Variants in MVB12B observed in about 807,000 individuals in gnomAD.
The protein encoded by MVB12B is multivesicular body subunit 12B.
In MVB12B, 16 loss-of-function variants were observed where a neutral mutation model predicts 41.6. The observed-to-expected ratio is 0.38, with a 90% CI of 0.26 to 0.58. MVB12B has a LOEUF of 0.58. Ranked by LOEUF, MVB12B falls within the 20% of genes least tolerant of loss-of-function variation. MVB12B has a pLI of 0.62. For missense variants in MVB12B, 274 were observed against 380.2 expected (o/e 0.72, Z 2.32); for synonymous variants, 133 against 139.7 (o/e 0.95, Z 0.34).
chr9:126,357,239 A>G (rs1353682837), intron 2 of MVB12B, among the ~76,000 whole-genome samples: 1 of 152,182 alleles, frequency 6.6e-6, no homozygotes, highest in East Asian at 1.9e-4. Context: ...GTACACCTGT[A>G]TGACAGTTTA....
At chr9:126,369,114 T>A (rs187348669) in intron 2 of MVB12B, among the ~76,000 whole-genome samples, 1 of 152,340 alleles carries the variant, frequency 6.6e-6, no homozygotes, top group Non-Finnish European at 1.5e-5. Flanking sequence ...AGTGCATGCT[T>A]CCTTGTTAAC....
chr9:126,441,716 CTG>C (rs35411943), intron 7 of MVB12B, among the ~76,000 whole-genome samples: 30,268 of 152,132 alleles, frequency 0.2, 3,877 homozygotes, highest in South Asian at 0.29. Context: ...AGCTACAAAA[CTG>C]TAAGTTTGAT....
chr9:126,500,643 G>A (rs1480513752), intron 9 of MVB12B, among the ~76,000 whole-genome samples: 1 of 152,240 alleles, frequency 6.6e-6, no homozygotes, highest in Non-Finnish European at 1.5e-5. Context: ...TGCGTTCAGA[G>A]TTGAAAAGCC....
chr9:126,352,285 G>C (rs112793266), intron 2 of MVB12B, among the ~76,000 whole-genome samples: 6 of 152,234 alleles, frequency 3.9e-5, no homozygotes, highest in Non-Finnish European at 7.4e-5. Flanking sequence ...TTTTCTGGAA[G>C]AGACAGTGTA....
At position 126,480,490 on chromosome 9, in the gene MVB12B, C is replaced by T. The variant is rs1833504212; in HGVS notation, c.758-879C>T. Among the ~76,000 whole-genome samples the T allele has an allele frequency of 6.6e-6, 1 of 152,170 alleles. No individual in the cohort carries two copies. ...TCACTTACGGAGGCACACCCTGGGTCGTTTCTGTCCGTGTGCTTTTGAAAG... is the reference window on the plus strand; with the variant it reads ...TCACTTACGGAGGCACACCCTGGGTTGTTTCTGTCCGTGTGCTTTTGAAAG... On this transcript the variant is annotated intron_variant, in intron 7 of 9. Coordinates refer to ENST00000361171, the MANE Select transcript of MVB12B (RefSeq NM_033446.3). This position sits in a 1 kb window ranked among gnomAD's most constrained non-coding sequence, Gnocchi z 4.9.
intron 9 of MVB12B, among the ~76,000 whole-genome samples, chr9:126,490,229 G>C (rs544611181): frequency 1.3e-5 from 2 of 152,230 alleles, no homozygotes; most frequent in African/African-American, 4.8e-5. Flanking sequence ...AGTCCAGGCG[G>C]GAGCTTCTAA....
chr9:126,431,294 G>A (rs188345013), intron 7 of MVB12B, among the ~76,000 whole-genome samples: 118 of 152,282 alleles, frequency 7.7e-4, no homozygotes, highest in African/African-American at 2.3e-3. Flanking sequence ...GCTATTTTCC[G>A]TGGCAAGCAG....
intron 2 of MVB12B, among the ~76,000 whole-genome samples, chr9:126,363,924 A>G (rs1307786541): frequency 1.3e-5 from 2 of 152,074 alleles, no homozygotes; most frequent in Non-Finnish European, 2.9e-5. Flanking sequence ...TTACAGTTTA[A>G]TTACAGTTAC....
rs776739728 is a variant in MVB12B at position 126,381,034 on chromosome 9, G to A, written c.205-30G>A. 3 of 1,593,136 alleles carry A rather than the reference G, an allele frequency of 1.9e-6. No individual in the cohort carries two copies. The African/African-American group carries it at 4.0e-5, about 21-fold the overall frequency. ...CCTTCAGTTCCTTCCTGCCTTACCT[G>A]CAATCCTTTTCTCTGTCTCTCCGGT... On this transcript the variant is annotated intron_variant, in intron 2 of 9. Coordinates refer to ENST00000361171, the MANE Select transcript of MVB12B (RefSeq NM_033446.3).
At chr9:126,394,157 T>C (rs956941041) in intron 5 of MVB12B, among the ~76,000 whole-genome samples, 12 of 152,230 alleles carry the variant, frequency 7.9e-5, no homozygotes, top group African/African-American at 2.9e-4. Flanking sequence ...ACACTAATTA[T>C]GTAAACAGGA....
intron 5 of MVB12B, among the ~76,000 whole-genome samples, chr9:126,393,573 C>G (rs1233072521): frequency 1.3e-5 from 2 of 152,238 alleles, no homozygotes; most frequent in African/African-American, 4.8e-5. Flanking sequence ...GTAGGATCAG[C>G]TCCATTGGAA....
Position 126,326,957 on chromosome 9 carries a change from A to G in MVB12B, c.28A>G (p.Ser10Gly), listed in dbSNP as rs1828986029. The G allele has an allele frequency of 7.7e-6, 2 of 259,480 alleles. No homozygotes were observed. The allele number at this position is 259,480 out of a possible 1,614,324, so 16.1% of individuals were successfully genotyped here. A position where few individuals can be genotyped will look rare whatever the true frequency, so the allele number is the denominator to read the frequency against. ...GAGAAGCTGCTTCTGCGTGAGACGG[A>G]GCCGGGACCCGCCGCCGCCGCAGCC... MRSCFCVRR[S>G]RDPPPPQPPP... Residue 10 changes from serine to glycine, a missense_variant, in exon 1 of 10, where the codon AGC becomes GGC. Coordinates refer to ENST00000361171, the MANE Select transcript of MVB12B (RefSeq NM_033446.3).
intron 9 of MVB12B, among the ~76,000 whole-genome samples, chr9:126,497,594 G>A (rs554487272): frequency 1.4e-4 from 21 of 152,272 alleles, no homozygotes; most frequent in Non-Finnish European, 2.6e-4. Flanking sequence ...ACAGGGCCTC[G>A]CTTTCAAAGA....
At chr9:126,411,391 C>T (rs879384210) in intron 6 of MVB12B, among the ~76,000 whole-genome samples, 1 of 152,138 alleles carries the variant, frequency 6.6e-6, no homozygotes, top group Non-Finnish European at 1.5e-5. Context: ...CAGTGCCTAG[C>T]ACACAGTAGG....
rs896229458 is a variant in MVB12B at position 126,422,059 on chromosome 9, C to A, written c.757+111C>A. The A allele has an allele frequency of 5.0e-6, 4 of 793,488 alleles. No homozygotes were observed. The African/African-American group carries it at 5.1e-5, about 10-fold the overall frequency. 49.2% of individuals were successfully genotyped at this position (793,488 alleles called of 1,614,324 possible). ...GATCTGTCTGCCTTACCTCTCTTTT[C>A]TTCCCTGCAGGGGACCTGTTCCCTG... is the stretch of plus-strand genomic sequence containing the variant. On this transcript the variant is annotated intron_variant, in intron 7 of 9. Transcript: ENST00000361171.
intron 2 of MVB12B, among the ~76,000 whole-genome samples, chr9:126,378,190 G>A (rs1320416329): frequency 6.6e-6 from 1 of 152,250 alleles, no homozygotes; most frequent in African/African-American, 2.4e-5. Flanking sequence ...GTAAGTTTCT[G>A]CAGTGCCGCC....
rs550767600 is a variant in MVB12B, at chr9:126,334,128, C to G, written c.82-6380C>G. On this transcript the variant is annotated intron_variant, in intron 1 of 9. Coordinates refer to ENST00000361171, the MANE Select transcript of MVB12B (RefSeq NM_033446.3). ...CCACTCCAGAATGTGGACTTTCCGT[C>G]TCATTACTGTAGCCTCAGTGCTTAG... 3.3e-5 allele frequency among the ~76,000 whole-genome samples: 5 copies of G among 152,336 alleles called. No homozygotes were observed. In the East Asian group the frequency reaches 9.7e-4, roughly 29 times the overall value.
In MVB12B at chr9:126,395,591, G is replaced by A; in HGVS notation, c.556G>A (p.Gly186Arg). 1 of 1,614,158 alleles carries A rather than the reference G, an allele frequency of 6.2e-7. No individual in the cohort carries two copies. The highest frequency in any genetic ancestry group is 8.5e-7 in the Non-Finnish European group (1 of 1,180,026). The change falls in exon 6 of 10, where the codon GGG becomes AGG. Residue 186 changes from glycine (G) to arginine (R), a missense_variant. Physicochemically the swap from Gly to Arg is moderately radical, Grantham distance 125. Coordinates refer to ENST00000361171, the MANE Select transcript of MVB12B (RefSeq NM_033446.3). This position sits in a 1 kb window ranked among gnomAD's most constrained non-coding sequence, Gnocchi z 4.9. ...TTCCTAAAGGGAACTGAACAGCATGGGGATCTGGTATCGAATGGGCAGAGT... is the reference window on the plus strand; with the variant it reads ...TTCCTAAAGGGAACTGAACAGCATGAGGATCTGGTATCGAATGGGCAGAGT... ...YTFIGELNSM[G>R]IWYRMGRVPR...
chr9:126,456,304 C>G (rs537154892), intron 7 of MVB12B, among the ~76,000 whole-genome samples: 1 of 152,152 alleles, frequency 6.6e-6, no homozygotes, highest in South Asian at 2.1e-4. Flanking sequence ...ATAGCTCTTT[C>G]GCACACGATT....
Sources: gnomAD v4.1 joint callset for allele counts (sites outside exome capture counted in the v4.1 genomes callset) on GRCh38, gnomAD v4.1.1 for gene constraint, Gnocchi (gnomAD v3.1) non-coding constraint, MANE v1.5 for transcripts, NCBI Gene and HGNC (gene_info 2026-07-23, HGNC 2026-07-21) for gene names.